Variants in KLKB1 observed in about 807,000 individuals in gnomAD.
KLKB1 encodes plasma kallikrein.
Under a neutral mutation model 73.6 loss-of-function variants are expected in KLKB1, and 58 were observed. The ratio of observed to expected loss-of-function variants is 0.79; its 90% confidence interval spans 0.64 to 0.98. The LOEUF is 0.98. Ranked by LOEUF, KLKB1 falls within the 50% of genes least tolerant of loss-of-function variation. The probability of loss-of-function intolerance (pLI) is 0.00; values close to 1 mark genes in which losing one functional copy is unlikely to be tolerated. For synonymous variants in KLKB1, 280 were observed against 258.1 expected, an observed-to-expected ratio of 1.08 and a Z score of -0.81; for missense variants, 737 against 763.8, an observed-to-expected ratio of 0.96 and a Z score of 0.41.
At chr4:186,246,205 C>T (rs1738338534) in intron 6 of KLKB1, among the ~76,000 whole-genome samples, 1 of 151,714 alleles carries the variant, frequency 6.6e-6, no homozygotes, top group South Asian at 2.1e-4. Flanking sequence ...TGGGATCTGG[C>T]TTGGCCTGGC....
At position 186,258,377 on chromosome 4, in the gene KLKB1, C is replaced by G; in HGVS notation, c.*165C>G. ...GCTGAGGACAATGTCTGGCTGAAGC[C>G]CGCTTTCAGCACGCCGTAACCAGGG... On this transcript the variant is annotated 3_prime_UTR_variant, in exon 15 of 15. Coordinates refer to ENST00000264690, the MANE Select transcript of KLKB1 (RefSeq NM_000892.5). 4.3e-6 allele frequency: 3 copies of G among 705,516 alleles called. No individual in the cohort carries two copies. Among genetic ancestry groups the G allele is most frequent in the Non-Finnish European group, 7.6e-6 (3 of 393,958 alleles). 43.7% of individuals were successfully genotyped at this position (705,516 alleles called of 1,614,324 possible).
chr4:186,247,297 G>T (rs528207051), intron 6 of KLKB1, among the ~76,000 whole-genome samples: 3 of 152,108 alleles, frequency 2.0e-5, no homozygotes, highest in African/African-American at 7.2e-5. Context: ...GGGTGCAGGC[G>T]GGCTGAGTCC....
At chr4:186,253,981 G>A (rs577898400) in intron 11 of KLKB1, among the ~76,000 whole-genome samples, 17 of 151,928 alleles carry the variant, frequency 1.1e-4, no homozygotes, top group Non-Finnish European at 1.6e-4. Context: ...GATTACAGGC[G>A]CGCGCCACAC....
intron 4 of KLKB1, among the ~76,000 whole-genome samples, chr4:186,234,526 C>T (rs1008309952): frequency 6.6e-6 from 1 of 152,114 alleles, no homozygotes; most frequent in Admixed American, 6.6e-5. Context: ...TAAGTAGAGG[C>T]CAGAATGTTT....
chr4:186,252,037 A>T lies in KLKB1; in HGVS notation c.1165A>T (p.Thr389Ser), dbSNP rs1201162038. ...DNSVCTTKTS[T>S]RIVGGTNSSW... ...TTCAGTCTGCACAACAAAAACAAGCACACGCATTGTTGGAGGAACAAACTC... is the reference window on the plus strand; with the variant it reads ...TTCAGTCTGCACAACAAAAACAAGCTCACGCATTGTTGGAGGAACAAACTC... Residue 389 changes from threonine to serine, a missense_variant, in exon 11 of 15, where the codon ACA (threonine) becomes TCA (serine). Transcript: ENST00000264690. 11 of 1,614,200 alleles carry T rather than the reference A, an allele frequency of 6.8e-6. No individual in the cohort carries two copies. The highest frequency in any genetic ancestry group is 9.3e-6 in the Non-Finnish European group (11 of 1,180,044).
At chr4:186,240,354 T>C (rs1737962647) in intron 6 of KLKB1, among the ~76,000 whole-genome samples, 1 of 152,010 alleles carries the variant, frequency 6.6e-6, no homozygotes, top group South Asian at 2.1e-4. Flanking sequence ...GACGTTGTAA[T>C]AGTTATAGGA....
At chr4:186,251,163 A>G in intron 7 of KLKB1, 56 bp from the exon 8 acceptor site, 2 of 1,141,792 alleles carry the variant, frequency 1.8e-6, no homozygotes, top group Non-Finnish European at 2.6e-6. Context: ...GTATTTGCCT[A>G]ATGCCTTTAA....
chr4:186,253,077 T>G (rs1157231188), intron 11 of KLKB1, among the ~76,000 whole-genome samples: 1 of 152,196 alleles, frequency 6.6e-6, no homozygotes, highest in Non-Finnish European at 1.5e-5. Flanking sequence ...AAAATATGAA[T>G]AGTAATAGTC....
At chr4:186,221,576 A>C (rs1420997121), upstream of KLKB1, among the ~76,000 whole-genome samples, 1 of 151,908 alleles carries the variant, frequency 6.6e-6, no homozygotes, top group Non-Finnish European at 1.5e-5. Context: ...GGAGTATGTT[A>C]ATTTTCATGT....
intron 5 of KLKB1, among the ~76,000 whole-genome samples, 180 bp downstream of exon 5, chr4:186,237,120 A>G (rs1737736678): frequency 6.6e-6 from 1 of 151,798 alleles, no homozygotes; most frequent in African/African-American, 2.4e-5. Context: ...ATTTATTGAG[A>G]TGGAGTCGCG....
chr4:186,252,263 G>A lies in KLKB1; in HGVS notation c.1313+78G>A, dbSNP rs145965337. ...AGGATCTATGATCAGCTGCTTCACC[G>A]CCATGTGACTTTATGAATAGAGACG... On this transcript the variant is annotated intron_variant, in intron 11 of 14. Transcript: ENST00000264690. The A allele has an allele frequency of 2.4e-3, 3,382 of 1,428,972 alleles. 12 individuals carry two copies. The highest frequency in any genetic ancestry group is 0.014 in the Middle Eastern group (62 of 4,476). 88.5% of individuals were successfully genotyped at this position (1,428,972 alleles called of 1,614,324 possible). A position where few individuals can be genotyped will look rare whatever the true frequency, so the allele number is the denominator to read the frequency against.
intron 1 of KLKB1, among the ~76,000 whole-genome samples, 179 bp downstream of exon 1, chr4:186,227,766 T>C (rs1187426858): frequency 6.6e-6 from 1 of 152,236 alleles, no homozygotes; most frequent in Non-Finnish European, 1.5e-5. Flanking sequence ...TCAGAAAGAA[T>C]ATTTGATTGA....
intron 6 of KLKB1, among the ~76,000 whole-genome samples, chr4:186,248,532 T>A (rs1310192959): frequency 1.3e-5 from 2 of 151,662 alleles, no homozygotes; most frequent in Non-Finnish European, 2.9e-5. Context: ...TAAGATTCTA[T>A]TGTATGAATA....
chr4:186,236,774 T>C lies in KLKB1; in HGVS notation c.329-7T>C. The C allele has an allele frequency of 6.2e-7, 1 of 1,613,852 alleles. No individual in the cohort carries two copies. Among genetic ancestry groups the C allele is most frequent in the Non-Finnish European group, 8.5e-7 (1 of 1,179,754 alleles). ...CTGTATTTGCTCTATGTATTTTTCT[T>C]GTACAGCTTGCCATCGAGACATTTA... On this transcript the variant is annotated splice_region_variant and splice_polypyrimidine_tract_variant and intron_variant, in intron 4 of 14. Coordinates refer to ENST00000264690, the MANE Select transcript of KLKB1 (RefSeq NM_000892.5).
At chr4:186,230,520 A>G (rs1294762439) in intron 2 of KLKB1, among the ~76,000 whole-genome samples, 1 of 152,256 alleles carries the variant, frequency 6.6e-6, no homozygotes, top group Non-Finnish European at 1.5e-5. Flanking sequence ...GATAAATTAT[A>G]TAATAGTACT....
At chr4:186,226,855 C>CGTG (rs1737185585), upstream of KLKB1, among the ~76,000 whole-genome samples, 1 of 152,072 alleles carries the variant, frequency 6.6e-6, no homozygotes, top group African/African-American at 2.4e-5. Flanking sequence ...CTGGGGCTAA[C>CGTG]GTGGAGGCTA....
At chr4:186,230,566 A>T (rs565898924) in intron 2 of KLKB1, among the ~76,000 whole-genome samples, 219 of 152,334 alleles carry the variant, frequency 1.4e-3, no homozygotes, top group African/African-American at 5.1e-3. Context: ...AGACACAGCT[A>T]TCATTGTCAT....
upstream of KLKB1, among the ~76,000 whole-genome samples, chr4:186,223,341 G>A (rs1737071176): frequency 6.6e-6 from 1 of 152,210 alleles, no homozygotes; most frequent in Admixed American, 6.5e-5. Flanking sequence ...ACAGTTTGGA[G>A]GGCTTAGAAG....
chr4:186,229,615 T>C (rs1737301243), intron 2 of KLKB1, among the ~76,000 whole-genome samples: 2 of 152,188 alleles, frequency 1.3e-5, no homozygotes, highest in Non-Finnish European at 2.9e-5. Context: ...TTTTGTGGTG[T>C]GGTATCATGA....
Sources: allele counts gnomAD v4.1 joint callset (sites outside exome capture counted in the v4.1 genomes callset), GRCh38; gene constraint gnomAD v4.1.1; transcripts MANE v1.5; gene names NCBI Gene and HGNC (gene_info 2026-07-23, HGNC 2026-07-21).